The following SEMA6A variants were observed in gnomAD, a reference collection of about 807,000 sequenced individuals.
SEMA6A encodes the protein semaphorin-6A.
A neutral mutation model predicts 96.8 loss-of-function variants in SEMA6A; 25 were observed. The observed-to-expected ratio is 0.26, with a 90% CI of 0.19 to 0.36. SEMA6A has a LOEUF of 0.36. SEMA6A is among the 10% of genes least tolerant of loss of function. SEMA6A has a pLI of 1.00. For synonymous variants in SEMA6A, 612 were observed against 518.0 expected (o/e 1.18, Z -2.46); for missense variants, 1,363 against 1,323.1 (o/e 1.03, Z -0.47).
In SEMA6A at chr5:116,449,269, G is replaced by C. The variant is rs527411343; in HGVS notation, c.1895-1458C>G. ...GAGGCACTGCATGGGCTGAGGAAAT[G>C]TAAACATTGTTCCTATTATGGAAAT... On this transcript the variant is annotated intron_variant, in intron 18 of 18. Transcript: ENST00000343348. 6 of 701,974 alleles carry C rather than the reference G, an allele frequency of 8.5e-6. No homozygotes were observed. The South Asian group carries it at 8.9e-5, about 10-fold the overall frequency. The allele number at this position is 701,974 out of a possible 1,614,324, so 43.5% of individuals were successfully genotyped here.
chr5:116,532,546 C>G (rs6890131), intron 1 of SEMA6A, among the ~76,000 whole-genome samples: 2 of 151,874 alleles, frequency 1.3e-5, no homozygotes, highest in Non-Finnish European at 1.5e-5. Flanking sequence ...TCTGATCCCT[C>G]CCCCCCAGTC....
intron 18 of SEMA6A, among the ~76,000 whole-genome samples, chr5:116,454,190 A>G (rs762916929): frequency 1.4e-4 from 21 of 152,178 alleles, no homozygotes; most frequent in Non-Finnish European, 2.5e-4. Flanking sequence ...TTAGAGAAAT[A>G]TGCAAAGGCA....
At chr5:116,536,866 T>TAAAAAAAAAAAAAAAAAAAAAAAAAAAAA (rs72214884) in intron 1 of SEMA6A, among the ~76,000 whole-genome samples, 2 of 69,480 alleles carry the variant, frequency 2.9e-5, no homozygotes, top group Admixed American at 2.1e-4. Context: ...TGTGATTTCT[T>TAAAAAAAAAAAAAAAAAAAAAAAAAAAAA]AAAAAAAAAA....
At position 116,447,264 on chromosome 5, in the gene SEMA6A, G is replaced by C. The variant is rs749462030; in HGVS notation, c.2442C>G (p.Ser814Arg). 2 of 1,613,924 alleles carry C rather than the reference G, an allele frequency of 1.2e-6. No individual in the cohort carries two copies. Among genetic ancestry groups the C allele is most frequent in the East Asian group, 4.5e-5 (2 of 44,876 alleles). Residue 814 changes from serine to arginine, a missense_variant, in exon 19 of 19, where the codon AGC (serine) becomes AGG (arginine). Ser to Arg is a moderately radical substitution (Grantham distance 110). Coordinates refer to ENST00000343348, the MANE Select transcript of SEMA6A (RefSeq NM_020796.5). Reference sequence around the variant, plus strand: ...GCTGCGTGATGGGCAGGACCACCACGCTGGGGATGTGGCTGGGGGAGGCCC... The same window carrying C: ...GCTGCGTGATGGGCAGGACCACCACCCTGGGGATGTGGCTGGGGGAGGCCC... ...PLRASPSHIP[S>R]VVVLPITQQG...
At chr5:116,458,440 G>A (rs1280748442) in intron 18 of SEMA6A, among the ~76,000 whole-genome samples, 2 of 152,160 alleles carry the variant, frequency 1.3e-5, no homozygotes, top group African/African-American at 4.8e-5. Flanking sequence ...TGGGGGTAAA[G>A]TGTCATGTCA....
At chr5:116,541,700 G>A (rs1321672021) in intron 1 of SEMA6A, among the ~76,000 whole-genome samples, 5 of 152,144 alleles carry the variant, frequency 3.3e-5, no homozygotes, top group Non-Finnish European at 7.4e-5. Context: ...GGGCGTGGTG[G>A]CGTGCACCTG....
At chr5:116,458,750 T>G (rs1325489194) in intron 18 of SEMA6A, among the ~76,000 whole-genome samples, 2 of 152,110 alleles carry the variant, frequency 1.3e-5, no homozygotes, top group Non-Finnish European at 1.5e-5. Context: ...CCTGCTACCC[T>G]TTCCACAATA....
chr5:116,499,817 T>A (rs1757786382), intron 3 of SEMA6A, among the ~76,000 whole-genome samples: 1 of 152,242 alleles, frequency 6.6e-6, no homozygotes, highest in African/African-American at 2.4e-5. Flanking sequence ...TTGGTTTTAA[T>A]GAGCTAGACT....
chr5:116,493,568 T>C (rs1482388943), intron 6 of SEMA6A, among the ~76,000 whole-genome samples: 1 of 152,200 alleles, frequency 6.6e-6, no homozygotes, highest in Non-Finnish European at 1.5e-5. Flanking sequence ...TTCTATTTTG[T>C]GCCTGAGCCA....
chr5:116,517,453 T>C lies in SEMA6A; in HGVS notation c.-38-12471A>G, dbSNP rs373773317. ...AATTATTCCACAGTGTGTTGTGAAA[T>C]TCTCACAGAATTTAAAAAAAAAAGT... On this transcript the variant is annotated intron_variant, in intron 1 of 18. Coordinates refer to ENST00000343348, the MANE Select transcript of SEMA6A (RefSeq NM_020796.5). Among the ~76,000 whole-genome samples the C allele has an allele frequency of 6.6e-5, 10 of 152,038 alleles. No homozygotes were observed. The East Asian group carries it at 7.7e-4, about 12-fold the overall frequency.
chr5:116,462,077 T>C (rs899304616), intron 18 of SEMA6A, among the ~76,000 whole-genome samples: 1 of 152,168 alleles, frequency 6.6e-6, no homozygotes, highest in African/African-American at 2.4e-5. Context: ...TAAAATCACT[T>C]ACATATGACT....
chr5:116,467,547 C>CA, intron 18 of SEMA6A, 36 bp downstream of exon 18: 2 of 1,577,692 alleles, frequency 1.3e-6, no homozygotes, highest in Non-Finnish European at 1.7e-6. Context: ...TTCCCTCCCT[C>CA]TCCCCCGAGA....
At position 116,497,273 on chromosome 5, in the gene SEMA6A, C is replaced by A; in HGVS notation, c.279+54G>T. 3 of 1,098,292 alleles carry A rather than the reference C, an allele frequency of 2.7e-6. No individual in the cohort carries two copies. In the South Asian group the frequency reaches 4.1e-5, roughly 15 times the overall value. 68.0% of individuals were successfully genotyped at this position (1,098,292 alleles called of 1,614,324 possible). ...ATGCACTTAAAATACATATTCTGTT[C>A]AAGAACTATCCAAAGGTCCTTCATT... On this transcript the variant is annotated intron_variant, in intron 4 of 18. Coordinates refer to ENST00000343348, the MANE Select transcript of SEMA6A (RefSeq NM_020796.5).
At chr5:116,563,217 C>G (rs925465199) in intron 1 of SEMA6A, among the ~76,000 whole-genome samples, 1 of 152,160 alleles carries the variant, frequency 6.6e-6, no homozygotes, top group South Asian at 2.1e-4. Context: ...CACTCAAAAT[C>G]CCATTCAATC....
At chr5:116,457,793 C>T (rs1474372883) in intron 18 of SEMA6A, among the ~76,000 whole-genome samples, 1 of 152,162 alleles carries the variant, frequency 6.6e-6, no homozygotes, top group East Asian at 1.9e-4. Context: ...GTTCACATGG[C>T]TCCTTTCAGT....
intron 1 of SEMA6A, among the ~76,000 whole-genome samples, chr5:116,526,096 G>C (rs535526400): frequency 3.9e-5 from 6 of 152,186 alleles, no homozygotes; most frequent in Admixed American, 3.9e-4. Context: ...GAGGGCTTTG[G>C]AGGGATGGCT....
At chr5:116,478,767 A>C in intron 12 of SEMA6A, 49 bp from the exon 13 acceptor site, 3 of 1,575,164 alleles carry the variant, frequency 1.9e-6, no homozygotes, top group Non-Finnish European at 2.6e-6. Context: ...TCTATCATTA[A>C]AGTGTTCCCT....
rs764880206 is a variant in SEMA6A, at chr5:116,446,672, G to T, written c.3034C>A (p.Pro1012Thr). 1.9e-6 allele frequency: 3 copies of T among 1,555,758 alleles called. No homozygotes were observed. Among genetic ancestry groups the T allele is most frequent in the South Asian group, 2.5e-5 (2 of 80,708 alleles). Residue 1012 changes from proline to threonine, a missense_variant, in exon 19 of 19, where the codon CCC (proline) becomes ACC (threonine). Pro to Thr is a conservative substitution (Grantham distance 38). Transcript: ENST00000343348. ...RTPSLKPDVP[P>T]KPSFAPLSTS... The stretch of plus-strand genomic sequence containing the variant: ...GAAAGGGGAGCAAAGGATGGTTTGG[G>T]GGGTACGTCCGGCTTTAGCGAGGGC...
chr5:116,476,446 C>T (rs951020362), intron 15 of SEMA6A, among the ~76,000 whole-genome samples: 4 of 152,132 alleles, frequency 2.6e-5, no homozygotes, highest in Admixed American at 2.6e-4. Context: ...TAATAATCCA[C>T]CGTGTTTGGT....
Sources: gnomAD v4.1 joint callset for allele counts (sites outside exome capture counted in the v4.1 genomes callset) on GRCh38, gnomAD v4.1.1 for gene constraint, MANE v1.5 for transcripts, NCBI Gene and HGNC (gene_info 2026-07-23, HGNC 2026-07-21) for gene names.